Variants in PTPRN2 observed in about 807,000 individuals in gnomAD.
PTPRN2 encodes the protein protein tyrosine phosphatase receptor type N2.
PTPRN2 carries 74 observed loss-of-function variants against 118.8 expected under a neutral mutation model. The ratio of observed to expected loss-of-function variants is 0.62; its 90% CI spans 0.52 to 0.76. PTPRN2 has a LOEUF of 0.76. Among genes scored for constraint, PTPRN2 ranks in the 30% least tolerant of loss-of-function variants. The pLI, the probability that PTPRN2 is intolerant of heterozygous loss-of-function variation, is 0.00. For missense variants in PTPRN2, 1,481 were observed against 1,394.4 expected (o/e 1.06, Z -0.99); for synonymous variants, 641 against 608.0 (o/e 1.05, Z -0.80).
chr7:158,362,168 G>A (rs1397345808), intron 2 of PTPRN2, among the ~76,000 whole-genome samples: 9 of 152,150 alleles, frequency 5.9e-5, no homozygotes, highest in Admixed American at 5.9e-4. Flanking sequence ...ACCTTTCCTG[G>A]ACCTCCATCG....
intron 15 of PTPRN2, among the ~76,000 whole-genome samples, chr7:157,608,661 G>A (rs535313806): frequency 4.6e-5 from 7 of 152,286 alleles, no homozygotes; most frequent in East Asian, 3.9e-4. Context: ...AGGGGTCTTC[G>A]TGTTCTATGA....
intron 3 of PTPRN2, among the ~76,000 whole-genome samples, chr7:158,251,600 A>C (rs921534327): frequency 1.3e-5 from 2 of 149,586 alleles, no homozygotes; most frequent in Non-Finnish European, 3.0e-5. Flanking sequence ...TCTATGGTGC[A>C]TGTGGGGCGT....
intron 14 of PTPRN2, among the ~76,000 whole-genome samples, chr7:157,623,186 A>G (rs1803371702): frequency 6.6e-6 from 1 of 152,230 alleles, no homozygotes; most frequent in Admixed American, 6.5e-5. Flanking sequence ...TAATAGGAAA[A>G]ACATTTTTGG....
intron 3 of PTPRN2, among the ~76,000 whole-genome samples, chr7:158,262,295 G>A (rs190833462): frequency 8.0e-5 from 12 of 150,598 alleles, no homozygotes; most frequent in South Asian, 4.3e-4. Context: ...CACACACACC[G>A]CACACACATT....
At chr7:158,146,719 T>G (rs1315548518) in intron 6 of PTPRN2, among the ~76,000 whole-genome samples, 1 of 122,496 alleles carries the variant, frequency 8.2e-6, no homozygotes, top group African/African-American at 3.2e-5. Flanking sequence ...AGACTCTGCC[T>G]CAAAAAAAAA....
intron 12 of PTPRN2, among the ~76,000 whole-genome samples, chr7:157,705,747 C>G (rs373265276): frequency 2.7e-3 from 305 of 113,548 alleles, no homozygotes; most frequent in Admixed American, 4.0e-3. Flanking sequence ...GCTGGGAATT[C>G]AGTGAATCTG....
chr7:157,737,224 C>T (rs556430320), intron 12 of PTPRN2, among the ~76,000 whole-genome samples: 22 of 152,376 alleles, frequency 1.4e-4, no homozygotes, highest in African/African-American at 4.3e-4. Context: ...CTTCACCAGA[C>T]GGCCTGGCGA....
intron 12 of PTPRN2, among the ~76,000 whole-genome samples, chr7:157,791,411 C>A (rs1009845184): frequency 6.6e-6 from 1 of 152,238 alleles, no homozygotes; most frequent in Non-Finnish European, 1.5e-5. Context: ...GCTTGGGAAG[C>A]GGAGCGGCCG....
chr7:157,933,303 T>C (rs111390647), intron 11 of PTPRN2, among the ~76,000 whole-genome samples: 1 of 137,488 alleles, frequency 7.3e-6, no homozygotes, highest in African/African-American at 2.9e-5. Flanking sequence ...TGATTGACAG[T>C]TTTAGAGGAA....
At chr7:158,445,712 C>G (rs1358084846) in intron 2 of PTPRN2, among the ~76,000 whole-genome samples, 1 of 152,250 alleles carries the variant, frequency 6.6e-6, no homozygotes, top group Non-Finnish European at 1.5e-5. Flanking sequence ...TCTATGCTGC[C>G]TGGTGGGGCC....
chr7:158,402,173 G>A (rs1304406745), intron 2 of PTPRN2, among the ~76,000 whole-genome samples: 2 of 152,168 alleles, frequency 1.3e-5, no homozygotes, highest in Non-Finnish European at 2.9e-5. Context: ...CCCGGTGGGA[G>A]AGTGGCTCAC....
chr7:158,253,305 G>T (rs1461906395), intron 3 of PTPRN2, among the ~76,000 whole-genome samples: 2 of 150,876 alleles, frequency 1.3e-5, no homozygotes, highest in African/African-American at 5.0e-5. Flanking sequence ...CTGAGGACTC[G>T]AGGACTGACC....
At position 157,591,341 on chromosome 7, in the gene PTPRN2, C is replaced by T. The variant is rs145285033; in HGVS notation, c.2496+3897G>A. ...AGGAGGAGCTTCAGATCAGCATCAACAGCCGGAGATAAAAGGAAGGTGCTT... is the reference window on the plus strand; with the variant it reads ...AGGAGGAGCTTCAGATCAGCATCAATAGCCGGAGATAAAAGGAAGGTGCTT... On this transcript the variant is annotated intron_variant, in intron 17 of 22. Transcript: ENST00000389418. This position sits in a 1 kb window ranked among gnomAD's most constrained non-coding sequence, Gnocchi z 4.4. Among the ~76,000 whole-genome samples, 84 of 152,342 alleles carry T rather than the reference C, an allele frequency of 5.5e-4. 1 individual carries two copies. Among genetic ancestry groups the T allele is most frequent in the African/African-American group, 1.8e-3 (73 of 41,584 alleles).
chr7:157,610,993 C>A lies in PTPRN2; in HGVS notation c.2345-6918G>T, dbSNP rs986079683. On this transcript the variant is annotated intron_variant, in intron 15 of 22. Coordinates refer to ENST00000389418, the MANE Select transcript of PTPRN2 (RefSeq NM_002847.5). This position sits in a 1 kb window ranked among gnomAD's most constrained non-coding sequence, Gnocchi z 5.1. Reference sequence around the variant, plus strand: ...CAGGCTGGGGCTCATATCCAGAAAGCCCTGCTACATCCAGAGATGGTCATG... The same window carrying A: ...CAGGCTGGGGCTCATATCCAGAAAGACCTGCTACATCCAGAGATGGTCATG... Among the ~76,000 whole-genome samples, 3 of 152,186 alleles carry A rather than the reference C, an allele frequency of 2.0e-5. No homozygotes were observed. Among genetic ancestry groups the A allele is most frequent in the African/African-American group, 7.2e-5 (3 of 41,452 alleles).
intron 11 of PTPRN2, among the ~76,000 whole-genome samples, chr7:157,952,019 C>T (rs1800845573): frequency 6.6e-6 from 1 of 152,232 alleles, no homozygotes; most frequent in Non-Finnish European, 1.5e-5. Context: ...CGTTCGCTGC[C>T]CATCTTCCTC....
intron 1 of PTPRN2, among the ~76,000 whole-genome samples, chr7:158,581,155 G>A (rs918447467): frequency 1.3e-5 from 2 of 152,094 alleles, no homozygotes; most frequent in Admixed American, 1.3e-4. Context: ...AGAATCCTCG[G>A]CCCATCCTGG....
Position 158,138,454 on chromosome 7 carries a change from C to A in PTPRN2, c.972G>T (p.Leu324=), listed in dbSNP as rs1358677783. 2.5e-6 allele frequency: 4 copies of A among 1,613,080 alleles called. No homozygotes were observed. In the Admixed American group the frequency reaches 5.0e-5, roughly 20 times the overall value. The change falls in exon 7 of 23, where the codon CTG becomes CTT. Residue 324 remains leucine (L), a synonymous_variant. Coordinates refer to ENST00000389418, the MANE Select transcript of PTPRN2 (RefSeq NM_002847.5). Reference sequence around the variant, plus strand: ...CCATGCCGTCCAGCTCCAGGCCACTCAGGCCCCTCACCTCAGCCGGCTGCC... The same window carrying A: ...CCATGCCGTCCAGCTCCAGGCCACTAAGGCCCCTCACCTCAGCCGGCTGCC... The part of the protein sequence containing the change: ...LQRQPAEVRG[L]SGLELDGMAE...
intron 11 of PTPRN2, among the ~76,000 whole-genome samples, chr7:157,959,395 T>C (rs1436061543): frequency 6.6e-6 from 1 of 152,210 alleles, no homozygotes; most frequent in Non-Finnish European, 1.5e-5. Flanking sequence ...AAACCTTCTG[T>C]GTATTAAAAA....
At chr7:158,026,316 G>A (rs1276660041) in intron 11 of PTPRN2, among the ~76,000 whole-genome samples, 1 of 152,190 alleles carries the variant, frequency 6.6e-6, no homozygotes, top group East Asian at 1.9e-4. Flanking sequence ...GATTCAGGAG[G>A]AGATGGTCTG....
Sources: allele counts gnomAD v4.1 joint callset (sites outside exome capture counted in the v4.1 genomes callset), GRCh38; gene constraint gnomAD v4.1.1; non-coding constraint Gnocchi (gnomAD v3.1); transcripts MANE v1.5; gene names NCBI Gene and HGNC (gene_info 2026-07-23, HGNC 2026-07-21).